Variants in PPP1R2 observed in about 807,000 individuals in gnomAD.
PPP1R2 encodes the protein protein phosphatase 1 regulatory inhibitor subunit 2, also known as protein phosphatase inhibitor 2.
Under a neutral mutation model 29.9 loss-of-function variants are expected in PPP1R2, and 16 were observed. The ratio of observed to expected loss-of-function variants is 0.53; its 90% confidence interval spans 0.36 to 0.81. The LOEUF (loss-of-function observed/expected upper bound fraction) is 0.81, where lower values mean the gene tolerates loss of function less well. Among genes scored for constraint, PPP1R2 ranks in the 30% least tolerant of loss-of-function variants. The pLI is 0.00. For synonymous variants in PPP1R2, 76 were observed against 91.5 expected, an observed-to-expected ratio of 0.83 and a Z score of 0.96; for missense variants, 197 against 252.7, an observed-to-expected ratio of 0.78 and a Z score of 1.49.
rs755271653 is a variant in PPP1R2 at position 195,542,994 on chromosome 3, A to G, written c.32T>C (p.Ile11Thr). Residue 11 changes from isoleucine to threonine, a missense_variant, in exon 1 of 6, where the codon ATC (isoleucine) becomes ACC (threonine). Around this residue, in one of 3 missense-constraint regions of PPP1R2, gnomAD observed 54 missense variants for 60.6 expected, o/e 0.89. Transcript: ENST00000618156. MAASTASHRP[I>T]KGILKNKTST... is the part of the protein sequence containing the mutation. ...GGTCTTGTTCTTCAAGATCCCCTTG[A>G]TGGGCCGGTGCGAGGCCGTCGAGGC... is the stretch of plus-strand genomic sequence containing the variant. The G allele has an allele frequency of 1.2e-6, 2 of 1,602,208 alleles. No homozygotes were observed. Among genetic ancestry groups the G allele is most frequent in the South Asian group, 1.1e-5 (1 of 89,092 alleles).
At chr3:195,522,256 CTT>C (rs373734587) in intron 4 of PPP1R2, among the ~76,000 whole-genome samples, 156 of 152,284 alleles carry the variant, frequency 1.0e-3, no homozygotes, top group Admixed American at 3.7e-3. Flanking sequence ...GGAGCACAAA[CTT>C]AGGTTTGTCT....
Position 195,543,150 on chromosome 3 carries a change from T to C in PPP1R2, c.-125A>G. 7.8e-7 allele frequency: 1 copy of C among 1,285,436 alleles called. No individual in the cohort carries two copies. The allele number at this position is 1,285,436 out of a possible 1,614,324, so 79.6% of individuals were successfully genotyped here. ...CGCTCAGGGCTAAAGCGGCCGCAACTGCTGCCTCGGAAACGGCTACCGCAG... is the reference window on the plus strand; with the variant it reads ...CGCTCAGGGCTAAAGCGGCCGCAACCGCTGCCTCGGAAACGGCTACCGCAG... On this transcript the variant is annotated 5_prime_UTR_variant, in exon 1 of 6. Transcript: ENST00000618156.
At chr3:195,527,096 T>A (rs889544760) in intron 2 of PPP1R2, among the ~76,000 whole-genome samples, 8 of 147,056 alleles carry the variant, frequency 5.4e-5, no homozygotes, top group African/African-American at 2.2e-4. Context: ...TTTGTTTTAA[T>A]TTTTTTTGTG....
At chr3:195,541,212 C>T (rs981158343) in intron 1 of PPP1R2, among the ~76,000 whole-genome samples, 1 of 152,064 alleles carries the variant, frequency 6.6e-6, no homozygotes, top group Non-Finnish European at 1.5e-5. Context: ...AGAAAGAGGC[C>T]AATCCATAGA....
intron 2 of PPP1R2, among the ~76,000 whole-genome samples, chr3:195,527,426 G>T (rs1719012406): frequency 6.6e-6 from 1 of 151,646 alleles, no homozygotes; most frequent in Non-Finnish European, 1.5e-5. Flanking sequence ...CTCCAGCCCG[G>T]GTGACAGAGT....
intron 5 of PPP1R2, among the ~76,000 whole-genome samples, chr3:195,518,713 A>G (rs951922948): frequency 6.6e-6 from 1 of 152,222 alleles, no homozygotes; most frequent in Non-Finnish European, 1.5e-5. Flanking sequence ...CAAATACAAC[A>G]TGACCTAAAA....
rs756614403 is a variant in PPP1R2, at chr3:195,523,767, A to G, written c.328T>C (p.Leu110=). ...TCCTGAATCCGATACTTTGGCTCCA[A>G]GCCTTCAGCTGCAGCTAATCTATGC... The part of the protein sequence containing the change: ...LARKLAAAEG[L]EPKYRIQEQE... The change falls in exon 4 of 6, where the codon TTG becomes CTG. Residue 110 remains leucine, a synonymous_variant. Transcript: ENST00000618156. 3.0e-5 allele frequency: 49 copies of G among 1,613,996 alleles called. 2 individuals carry two copies. The highest frequency in any genetic ancestry group is 2.0e-4 in the Admixed American group (12 of 59,998).
chr3:195,537,508 T>TGTGTGTGTGTGTGTGTGTGTGTGTGC (rs1560444803), intron 1 of PPP1R2, among the ~76,000 whole-genome samples: 7 of 147,042 alleles, frequency 4.8e-5, no homozygotes, highest in African/African-American at 1.7e-4. Context: ...TGTGTGTGTG[T>TGTGTGTGTGTGTGTGTGTGTGTGTGC]GTGTGTGTGT....
At chr3:195,533,354 A>T (rs1719257616) in intron 1 of PPP1R2, among the ~76,000 whole-genome samples, 1 of 152,036 alleles carries the variant, frequency 6.6e-6, no homozygotes, top group Non-Finnish European at 1.5e-5. Flanking sequence ...CAGGAAAAAA[A>T]AAAAAAAAAG....
chr3:195,521,143 G>A (rs1470771164), intron 4 of PPP1R2, among the ~76,000 whole-genome samples: 2 of 151,620 alleles, frequency 1.3e-5, no homozygotes, highest in South Asian at 2.1e-4. Flanking sequence ...GTGAAACCCC[G>A]TCTCTACTGA....
At chr3:195,523,534 AAACACAC>A (rs1193912134) in intron 4 of PPP1R2, among the ~76,000 whole-genome samples, 151 bp downstream of exon 4, 12 of 152,250 alleles carry the variant, frequency 7.9e-5, no homozygotes, top group Admixed American at 2.0e-4. Flanking sequence ...TTACACAACA[AAACACAC>A]AAGTAGTATC....
chr3:195,533,278 G>A (rs762387075), intron 1 of PPP1R2, among the ~76,000 whole-genome samples: 37 of 151,920 alleles, frequency 2.4e-4, no homozygotes, highest in Non-Finnish European at 5.0e-4. Context: ...CCGGGAGGCA[G>A]GGGTTGCAGT....
chr3:195,518,198 A>G (rs1270482312), intron 5 of PPP1R2, among the ~76,000 whole-genome samples: 1 of 152,154 alleles, frequency 6.6e-6, no homozygotes, highest in Non-Finnish European at 1.5e-5. Context: ...ACAGATCAGG[A>G]GTTGCTAGGC....
At chr3:195,529,632 T>C (rs1186746531) in intron 2 of PPP1R2, 162 bp downstream of exon 2, 2 of 516,190 alleles carry the variant, frequency 3.9e-6, no homozygotes, top group African/African-American at 2.0e-5. Context: ...TACACATCAC[T>C]TAAACCATTA....
Position 195,542,969 on chromosome 3 carries a change from G to A in PPP1R2, c.57C>T (p.Thr19=), listed in dbSNP as rs1311605604. Residue 19 remains threonine (T), a synonymous_variant, in exon 1 of 6, where the codon ACC becomes ACT. Transcript: ENST00000618156. ...RPIKGILKNK[T]STTSSMVASA... The stretch of plus-strand genomic sequence containing the variant: ...ACGCCACCATAGAGGAAGTCGTAGA[G>A]GTCTTGTTCTTCAAGATCCCCTTGA... 17 of 1,603,266 alleles carry A rather than the reference G, an allele frequency of 1.1e-5. No homozygotes were observed. The highest frequency in any genetic ancestry group is 1.4e-5 in the Non-Finnish European group (17 of 1,174,886).
intron 1 of PPP1R2, among the ~76,000 whole-genome samples, chr3:195,531,951 T>G (rs183885138): frequency 6.6e-6 from 1 of 152,354 alleles, no homozygotes; most frequent in Non-Finnish European, 1.5e-5. Flanking sequence ...AGCGAAATCA[T>G]GAAGTATTTG....
At chr3:195,540,243 G>C (rs1234188775) in intron 1 of PPP1R2, among the ~76,000 whole-genome samples, 1 of 152,184 alleles carries the variant, frequency 6.6e-6, no homozygotes, top group East Asian at 1.9e-4. Flanking sequence ...CATGTTCCCA[G>C]ATGGGGTCAA....
intron 1 of PPP1R2, among the ~76,000 whole-genome samples, chr3:195,534,651 G>A (rs571456951): frequency 3.9e-5 from 6 of 152,208 alleles, no homozygotes; most frequent in African/African-American, 1.2e-4. Flanking sequence ...TTCCGTCCAT[G>A]TTCTGTCCCC....
chr3:195,531,779 T>C (rs1279842590), intron 1 of PPP1R2, among the ~76,000 whole-genome samples: 1 of 152,196 alleles, frequency 6.6e-6, no homozygotes, highest in Non-Finnish European at 1.5e-5. Context: ...ATCACATCAT[T>C]GTGCAAGCAT....
Sources: gnomAD v4.1 joint callset for allele counts (sites outside exome capture counted in the v4.1 genomes callset) on GRCh38, gnomAD v4.1.1 for gene constraint, gnomAD v4.1.1 regional missense constraint, MANE v1.5 for transcripts, NCBI Gene and HGNC (gene_info 2026-07-23, HGNC 2026-07-21) for gene names.